PLA2G4C: variants seen among roughly 807,000 people sequenced by gnomAD.
PLA2G4C encodes phospholipase A2 group IVC, also known as cytosolic phospholipase A2 gamma.
PLA2G4C carries 64 observed loss-of-function variants against 73.8 expected under a neutral mutation model. That is an observed-to-expected ratio of 0.87 (90% CI 0.71 to 1.07). The LOEUF (loss-of-function observed/expected upper bound fraction) is 1.07. PLA2G4C is among the 50% of genes least tolerant of loss of function. The pLI is 0.00. For missense variants in PLA2G4C, 622 were observed against 665.4 expected (o/e 0.93, Z 0.72); for synonymous variants, 254 against 252.1 (o/e 1.01, Z -0.07).
Position 48,048,268 on chromosome 19 carries a change from G to C in PLA2G4C, c.*75C>G. On this transcript the variant is annotated 3_prime_UTR_variant, in exon 17 of 17. Transcript: ENST00000599921. The stretch of plus-strand genomic sequence containing the variant: ...GAAGCGTGTGGCTGAAGGGAGTGAA[G>C]AACAGGAAGGCCAGGTGGACATCAG... The C allele has an allele frequency of 1.8e-6, 2 of 1,115,034 alleles. No individual in the cohort carries two copies. Among genetic ancestry groups the C allele is most frequent in the Non-Finnish European group, 2.7e-6 (2 of 753,852 alleles). The allele number at this position is 1,115,034 out of a possible 1,614,324, so 69.1% of individuals were successfully genotyped here.
At chr19:48,098,318 C>A (rs2031712681) in intron 5 of PLA2G4C, 59 bp from the exon 6 acceptor site, 2 of 1,508,710 alleles carry the variant, frequency 1.3e-6, no homozygotes, top group Admixed American at 2.2e-5. Flanking sequence ...CAGGGTGGAA[C>A]CTCTGCACGT....
chr19:48,092,206 T>C (rs2031349894), intron 7 of PLA2G4C, among the ~76,000 whole-genome samples: 1 of 152,122 alleles, frequency 6.6e-6, no homozygotes, highest in African/African-American at 2.4e-5. Flanking sequence ...TGCACCACCA[T>C]GCCCGGCTAA....
chr19:48,106,514 G>C lies in PLA2G4C; in HGVS notation c.8+8C>G, dbSNP rs1289838139. The C allele has an allele frequency of 6.2e-7, 1 of 1,605,676 alleles. No individual in the cohort carries two copies. Among genetic ancestry groups the C allele is most frequent in the East Asian group, 2.2e-5 (1 of 44,832 alleles). On this transcript the variant is annotated splice_region_variant and intron_variant, in intron 2 of 16. Transcript: ENST00000599921. ...TTCCCCATAGTGGTCAGCTCTAAGA[G>C]GACTTACCTTCCCATGGTGCACTGC...
chr19:48,092,704 G>A (rs912564893), intron 7 of PLA2G4C, among the ~76,000 whole-genome samples: 1 of 152,204 alleles, frequency 6.6e-6, no homozygotes, highest in African/African-American at 2.4e-5. Context: ...ACTCAGAGTA[G>A]TCAAAATCGT....
At chr19:48,098,607 T>A (rs2436467) in intron 5 of PLA2G4C, among the ~76,000 whole-genome samples, 60,311 of 149,582 alleles carry the variant, frequency 0.4, 12,705 homozygotes, top group African/African-American at 0.51. Context: ...GGCTAGGTGC[T>A]GTGGCTCATA....
chr19:48,053,208 G>T (rs1967791953), intron 15 of PLA2G4C, 61 bp from the exon 16 acceptor site: 2 of 1,362,464 alleles, frequency 1.5e-6, no homozygotes, highest in African/African-American at 1.4e-5. Flanking sequence ...TAATTCTGCA[G>T]ATTTTTGTCT....
intron 5 of PLA2G4C, among the ~76,000 whole-genome samples, chr19:48,098,809 A>G (rs251677): frequency 0.41 from 58,827 of 143,460 alleles, 12,437 homozygotes; most frequent in African/African-American, 0.51. Context: ...GGCTGAGCTG[A>G]GAGGATTGCT....
intron 14 of PLA2G4C, among the ~76,000 whole-genome samples, chr19:48,059,366 C>A (rs148196674): frequency 2.0e-5 from 3 of 151,972 alleles, no homozygotes; most frequent in African/African-American, 7.3e-5. Flanking sequence ...GTGATTGCCT[C>A]GATGTGTAAT....
intron 13 of PLA2G4C, among the ~76,000 whole-genome samples, chr19:48,065,277 C>CA (rs148094247): frequency 0.011 from 751 of 70,518 alleles, 15 homozygotes; most frequent in African/African-American, 0.026. Flanking sequence ...GAGGAGGGGT[C>CA]GGGGGGGGGC....
At chr19:48,105,195 G>A in intron 3 of PLA2G4C, 138 bp downstream of exon 3, 2 of 609,754 alleles carry the variant, frequency 3.3e-6, no homozygotes, top group Non-Finnish European at 2.9e-6. Flanking sequence ...TCCCATAGAA[G>A]TTCATATCCT....
chr19:48,052,878 G>C, intron 16 of PLA2G4C, 119 bp downstream of exon 16: 1 of 1,052,408 alleles, frequency 9.5e-7, no homozygotes, highest in Non-Finnish European at 1.4e-6. Context: ...CTCAAGTAGG[G>C]GAGACACTGC....
chr19:48,082,844 C>A (rs990297203), intron 10 of PLA2G4C, among the ~76,000 whole-genome samples: 1 of 135,014 alleles, frequency 7.4e-6, no homozygotes, highest in Non-Finnish European at 1.6e-5. Flanking sequence ...GACGGAGTCT[C>A]GCTCTGTCGC....
At chr19:48,088,748 G>A (rs772383222) in intron 8 of PLA2G4C, 36 bp from the exon 9 acceptor site, 6 of 1,467,362 alleles carry the variant, frequency 4.1e-6, no homozygotes, top group Non-Finnish European at 5.7e-6. Flanking sequence ...ATGTTTATCT[G>A]TACAACAAAG....
chr19:48,105,082 C>CAAAAAAAAAAAAAAAAAAAAAAA (rs3083068), intron 3 of PLA2G4C, among the ~76,000 whole-genome samples: 2 of 87,620 alleles, frequency 2.3e-5, no homozygotes, highest in African/African-American at 8.4e-5. Flanking sequence ...GACGTTGTCT[C>CAAAAAAAAAAAAAAAAAAAAAAA]AAAAAAAAAA....
intron 4 of PLA2G4C, 88 bp downstream of exon 4, chr19:48,104,500 G>GA (rs919778325): frequency 8.1e-6 from 11 of 1,354,504 alleles, no homozygotes; most frequent in Middle Eastern, 1.8e-4. Context: ...AGCAGCGTTG[G>GA]AAAAAACCAC....
chr19:48,104,043 A>G lies in PLA2G4C; in HGVS notation c.257+545T>C, dbSNP rs1463897000. The G allele has an allele frequency of 2.0e-5, 3 of 153,176 alleles. No homozygotes were observed. In the East Asian group the frequency reaches 5.8e-4, roughly 29 times the overall value. The allele number at this position is 153,176 out of a possible 1,614,324, so 9.5% of individuals were successfully genotyped here. Reference sequence around the variant, plus strand: ...CTCAACTTCCTGAGTAGCTGGGACCATAGGCATGCACCACCACGCCTGGCT... The same window carrying G: ...CTCAACTTCCTGAGTAGCTGGGACCGTAGGCATGCACCACCACGCCTGGCT... On this transcript the variant is annotated intron_variant, in intron 4 of 16. Transcript: ENST00000599921.
chr19:48,090,555 A>G (rs1188016583), intron 7 of PLA2G4C, 138 bp from the exon 8 acceptor site: 13 of 690,436 alleles, frequency 1.9e-5, no homozygotes, highest in Non-Finnish European at 2.8e-5. Context: ...CCATTCCATA[A>G]ATATTTATGA....
rs536715774 is a variant in PLA2G4C at position 48,099,650 on chromosome 19, C to T, written c.447+21G>A. The T allele has an allele frequency of 1.9e-6, 3 of 1,596,978 alleles. No homozygotes were observed. In the South Asian group the frequency reaches 3.4e-5, roughly 18 times the overall value. Reference sequence around the variant, plus strand: ...CCTTGCTCCTACCCCCACCCCAGGTCCCCAGCTGGGAATGACTTACTTCTC... The same window carrying T: ...CCTTGCTCCTACCCCCACCCCAGGTTCCCAGCTGGGAATGACTTACTTCTC... On this transcript the variant is annotated intron_variant, in intron 5 of 16. Transcript: ENST00000599921.
intron 13 of PLA2G4C, 143 bp from the exon 14 acceptor site, chr19:48,062,295 T>C (rs1424691111): frequency 1.6e-6 from 1 of 633,614 alleles, no homozygotes; most frequent in South Asian, 2.2e-5. Context: ...GGAGCTGACT[T>C]CTCTCTCTTC....
Sources: allele counts gnomAD v4.1 joint callset (sites outside exome capture counted in the v4.1 genomes callset), GRCh38; gene constraint gnomAD v4.1.1; transcripts MANE v1.5; gene names NCBI Gene and HGNC (gene_info 2026-07-23, HGNC 2026-07-21).